Variants in UNC80 observed in about 807,000 individuals in gnomAD.
UNC80 encodes the protein unc-80 subunit of NALCN channel complex.
In UNC80, 164 loss-of-function variants were observed where a neutral mutation model predicts 384.6. That is an observed-to-expected ratio of 0.43 (90% CI 0.38 to 0.49). The LOEUF is 0.49. Among genes scored for constraint, UNC80 ranks in the 20% least tolerant of loss-of-function variants. The pLI, the probability that UNC80 is intolerant of heterozygous loss-of-function variation, is 0.00. For missense variants in UNC80, 3,330 were observed against 4,143.0 expected (o/e 0.80, Z 5.39); for synonymous variants, 1,486 against 1,527.8 (o/e 0.97, Z 0.64).
intron 17 of UNC80, 117 bp from the exon 18 acceptor site, chr2:209,834,795 A>G (rs2081230971): frequency 5.2e-6 from 4 of 771,190 alleles, no homozygotes; most frequent in Non-Finnish European, 8.4e-6. Context: ...CTGGTGACAT[A>G]AAGTTCACAA....
intron 44 of UNC80, among the ~76,000 whole-genome samples, chr2:209,942,248 G>A (rs1014327897): frequency 6.6e-6 from 1 of 152,078 alleles, no homozygotes; most frequent in South Asian, 2.1e-4. Context: ...CACTCACCCT[G>A]GTCCATGAAA....
chr2:209,817,020 C>A lies in UNC80; in HGVS notation c.1447C>A (p.Leu483Met), dbSNP rs1379567693. The change falls in exon 10 of 65, where the codon CTG becomes ATG. Residue 483 changes from leucine to methionine, a missense_variant. Physicochemically the swap from Leu to Met is conservative, Grantham distance 15 (BLOSUM62 2). This residue lies in a region of UNC80 where 937 missense variants were observed against 1,026.8 expected (regional missense o/e 0.91). Coordinates refer to ENST00000673920, the MANE Select transcript of UNC80 (RefSeq NM_001371986.1). ...GCCCTTCCTGCTTCACGAGGACCAC[C>A]TGGATGTGTCCCCCACGCGCAGCAC... Reference protein sequence around the residue: ...GVPFLLHEDHLDVSPTRSTFS... With the variant: ...GVPFLLHEDHMDVSPTRSTFS... 9 of 1,551,740 alleles carry A rather than the reference C, an allele frequency of 5.8e-6. No individual in the cohort carries two copies. Among genetic ancestry groups the A allele is most frequent in the Non-Finnish European group, 7.8e-6 (9 of 1,147,000 alleles).
chr2:209,844,478 TC>T (rs1413062942), intron 21 of UNC80, among the ~76,000 whole-genome samples: 5,444 of 62,612 alleles, frequency 0.087, 330 homozygotes, highest in East Asian at 0.23. Context: ...TTTCTTTCTT[TC>T]CTTCCTTCCT....
At chr2:209,825,710 T>G (rs2080466690) in intron 13 of UNC80, among the ~76,000 whole-genome samples, 197 bp from the exon 14 acceptor site, 1 of 152,178 alleles carries the variant, frequency 6.6e-6, no homozygotes, top group South Asian at 2.1e-4. Context: ...ATACGTAGAT[T>G]TTTTTCTTTT....
At chr2:209,940,434 C>A (rs2091550595) in intron 43 of UNC80, among the ~76,000 whole-genome samples, 1 of 152,204 alleles carries the variant, frequency 6.6e-6, no homozygotes, top group South Asian at 2.1e-4. Flanking sequence ...AGGAGACCCA[C>A]TTTGGAGCCT....
At chr2:209,910,680 A>G (rs1574981516) in intron 29 of UNC80, among the ~76,000 whole-genome samples, 1 of 122,402 alleles carries the variant, frequency 8.2e-6, no homozygotes, top group Non-Finnish European at 1.6e-5. Context: ...TGGTGTGCTG[A>G]GTATTTTCCT....
intron 2 of UNC80, 34 bp downstream of exon 2, chr2:209,773,176 C>A: frequency 6.3e-7 from 1 of 1,583,536 alleles, no homozygotes; most frequent in Non-Finnish European, 8.7e-7. Context: ...AATTATTTCC[C>A]TATTCTGTGT....
At position 209,921,623 on chromosome 2, in the gene UNC80, C is replaced by T. The variant is rs1023697059; in HGVS notation, c.5467C>T (p.Pro1823Ser). 1.9e-6 allele frequency: 3 copies of T among 1,551,536 alleles called. No individual in the cohort carries two copies. Among genetic ancestry groups the T allele is most frequent in the African/African-American group, 2.7e-5 (2 of 73,016 alleles). ...GREASLITAI[P>S]ITQEACYEPT... is the part of the protein sequence containing the mutation. Reference sequence around the variant, plus strand: ...AGAAGCCAGCCTCATCACTGCCATCCCCATCACCCAGGAGGCTTGCTATGA... The same window carrying T: ...AGAAGCCAGCCTCATCACTGCCATCTCCATCACCCAGGAGGCTTGCTATGA... The change falls in exon 34 of 65, where the codon CCC becomes TCC. Residue 1823 changes from proline to serine, a missense_variant. Pro to Ser is a moderately conservative substitution (Grantham distance 74, BLOSUM62 -1). Around this residue, in one of 8 missense-constraint regions of UNC80, gnomAD observed 1,049 missense variants for 1,488.6 expected, o/e 0.70. Transcript: ENST00000673920.
At chr2:209,856,685 G>T (rs1423890532) in intron 22 of UNC80, among the ~76,000 whole-genome samples, 1 of 151,992 alleles carries the variant, frequency 6.6e-6, no homozygotes, top group African/African-American at 2.4e-5. Flanking sequence ...CTTCTCAGAT[G>T]TGCATTTCCA....
chr2:209,840,993 G>A (rs575489273), intron 20 of UNC80, among the ~76,000 whole-genome samples: 1 of 152,288 alleles, frequency 6.6e-6, no homozygotes, highest in Admixed American at 6.5e-5. Flanking sequence ...TAATTTTACA[G>A]TGATCCCTTT....
intron 7 of UNC80, among the ~76,000 whole-genome samples, chr2:209,804,609 T>A (rs567270840): frequency 3.3e-5 from 5 of 152,204 alleles, no homozygotes; most frequent in African/African-American, 1.2e-4. Context: ...ATCTCTGAGA[T>A]AATCTCATTT....
At chr2:209,980,575 A>G (rs985797284) in intron 59 of UNC80, among the ~76,000 whole-genome samples, 2 of 152,214 alleles carry the variant, frequency 1.3e-5, no homozygotes, top group Admixed American at 6.5e-5. Context: ...TTAAATAGGG[A>G]GGGGTATGAA....
chr2:209,803,473 C>A (rs189308000), intron 7 of UNC80, among the ~76,000 whole-genome samples: 9 of 152,238 alleles, frequency 5.9e-5, no homozygotes, highest in Admixed American at 2.0e-4. Flanking sequence ...ATAAGAACTA[C>A]CTTTTTGGAT....
In UNC80 at chr2:209,976,523, T is replaced by C. The variant is rs1414172883; in HGVS notation, c.8772+220T>C. Among the ~76,000 whole-genome samples the C allele has an allele frequency of 6.6e-6, 1 of 152,196 alleles. No individual in the cohort carries two copies. Among genetic ancestry groups the C allele is most frequent in the Non-Finnish European group, 1.5e-5 (1 of 68,040 alleles). The stretch of plus-strand genomic sequence containing the variant: ...TCACAGTAAGAGCTTTGTTGGAGTC[T>C]GTAAAACTTTGCCCGCTCCCTACTA... On this transcript the variant is annotated intron_variant, in intron 57 of 64. Coordinates refer to ENST00000673920, the MANE Select transcript of UNC80 (RefSeq NM_001371986.1). This position sits in a 1 kb window ranked among gnomAD's most constrained non-coding sequence, Gnocchi z 4.3.
At chr2:209,833,516 C>T (rs938520903) in intron 16 of UNC80, among the ~76,000 whole-genome samples, 2 of 152,160 alleles carry the variant, frequency 1.3e-5, no homozygotes, top group African/African-American at 4.8e-5. Context: ...ACACATCATC[C>T]TTTGAATAAT....
chr2:209,963,751 A>G (rs533459538), intron 51 of UNC80, among the ~76,000 whole-genome samples: 1 of 152,364 alleles, frequency 6.6e-6, no homozygotes, highest in African/African-American at 2.4e-5. Context: ...TTCCAGGACA[A>G]TGTGAATATG....
At chr2:209,947,696 A>G (rs2091973746) in intron 47 of UNC80, among the ~76,000 whole-genome samples, 1 of 152,160 alleles carries the variant, frequency 6.6e-6, no homozygotes, top group Non-Finnish European at 1.5e-5. Flanking sequence ...CAACATTTGT[A>G]ACAGCAAGTC....
intron 7 of UNC80, chr2:209,808,697 A>G: frequency 4.8e-6 from 1 of 210,060 alleles, no homozygotes; most frequent in Non-Finnish European, 9.6e-6. Context: ...TGGAGTACTT[A>G]AGGGAGTTGG....
chr2:209,896,210 G>A, intron 27 of UNC80, 103 bp from the exon 28 acceptor site: 1 of 1,003,018 alleles, frequency 1.0e-6, no homozygotes, highest in Non-Finnish European at 1.5e-6. Context: ...CTGGGCCATG[G>A]TAGTCTGCCC....
Sources: gnomAD v4.1 joint callset for allele counts (sites outside exome capture counted in the v4.1 genomes callset) on GRCh38, gnomAD v4.1.1 for gene constraint, gnomAD v4.1.1 regional missense constraint, Gnocchi (gnomAD v3.1) non-coding constraint, MANE v1.5 for transcripts, NCBI Gene and HGNC (gene_info 2026-07-23, HGNC 2026-07-21) for gene names.